The following MAOB variants were observed in gnomAD, a reference collection of about 807,000 sequenced individuals.
MAOB encodes amine oxidase [flavin-containing] B.
In MAOB, 15 loss-of-function variants were observed where a neutral mutation model predicts 41.9. That is an observed-to-expected ratio of 0.36 (90% CI 0.24 to 0.55). The LOEUF (loss-of-function observed/expected upper bound fraction) is 0.55. MAOB is among the 20% of genes least tolerant of loss of function. The pLI is 0.86. For missense variants in MAOB, 345 were observed against 398.7 expected (o/e 0.87, Z 1.15); for synonymous variants, 167 against 144.2 (o/e 1.16, Z -1.13).
intron 1 of MAOB, among the ~76,000 whole-genome samples, chrX:43,877,294 T>C (rs780514559): frequency 6.3e-5 from 7 of 110,908 alleles, no homozygotes; most frequent in South Asian, 3.9e-4. Context: ...ATTGTGACCA[T>C]TGTCAATGCC....
chrX:43,811,602 T>A (rs2034747881), intron 3 of MAOB, among the ~76,000 whole-genome samples: 1 of 112,064 alleles, frequency 8.9e-6, no homozygotes, highest in African/African-American at 3.2e-5. Flanking sequence ...AGGGGAGAAG[T>A]CCTGCAAATT....
intron 3 of MAOB, among the ~76,000 whole-genome samples, chrX:43,822,748 A>G (rs867986659): frequency 9.0e-6 from 1 of 111,627 alleles, no homozygotes; most frequent in Non-Finnish European, 1.9e-5. Context: ...TTGAAAAGCC[A>G]TTTCAAAGGA....
chrX:43,860,522 T>C (rs965227303), intron 1 of MAOB, among the ~76,000 whole-genome samples: 1 of 111,646 alleles, frequency 9.0e-6, no homozygotes, highest in Admixed American at 9.5e-5. Context: ...AATACAACCA[T>C]TTCTCAGCAT....
intron 12 of MAOB, among the ~76,000 whole-genome samples, chrX:43,773,757 C>A (rs779394120): frequency 2.9e-4 from 33 of 111,999 alleles, no homozygotes; most frequent in Non-Finnish European, 4.3e-4. Flanking sequence ...CAAGCTCTCT[C>A]TTTGCCTGCT....
rs140224905 is a variant in MAOB, at chrX:43,823,829, T to C, written c.279+15039A>G. ...TTTTCTCTTTCTTTGATCTGTACCA[T>C]TTGGACCCACCCAAAATTAAACTTT... On this transcript the variant is annotated intron_variant, in intron 3 of 14. Transcript: ENST00000378069. 1.1e-4 allele frequency among the ~76,000 whole-genome samples: 12 copies of C among 112,209 alleles called. No individual in the cohort carries two copies. The East Asian group carries it at 3.4e-3, about 31-fold the overall frequency.
chrX:43,795,089 A>G (rs759015832), intron 7 of MAOB, among the ~76,000 whole-genome samples: 1 of 110,442 alleles, frequency 9.1e-6, no homozygotes, highest in Non-Finnish European at 1.9e-5. Flanking sequence ...CCTGGAGATA[A>G]CTTCTGATCC....
intron 1 of MAOB, among the ~76,000 whole-genome samples, chrX:43,879,644 T>G (rs1381447464): frequency 9.0e-6 from 1 of 111,615 alleles, no homozygotes; most frequent in African/African-American, 3.3e-5. Context: ...CATATCCCTC[T>G]TTTTGCTAAT....
At chrX:43,770,680 G>T (rs1362579969) in intron 12 of MAOB, among the ~76,000 whole-genome samples, 1 of 111,751 alleles carries the variant, frequency 8.9e-6, no homozygotes, top group African/African-American at 3.3e-5. Context: ...TTGGAGAAAT[G>T]TTCAGTGATA....
intron 3 of MAOB, among the ~76,000 whole-genome samples, chrX:43,812,899 G>T (rs984750325): frequency 6.3e-5 from 7 of 111,967 alleles, no homozygotes; most frequent in African/African-American, 2.3e-4. Context: ...AGTCATAGTG[G>T]CTGAGAAACC....
Position 43,811,430 on chromosome X carries a change from G to T in MAOB, c.280-8026C>A, listed in dbSNP as rs934251383. ...GGGAACCTTGCCCTTCTAACTGTTG[G>T]GAGCCAGGGTAAGCCACCTTCCCCT... On this transcript the variant is annotated intron_variant, in intron 3 of 14. Transcript: ENST00000378069. Among the ~76,000 whole-genome samples the T allele has an allele frequency of 3.6e-5, 4 of 111,254 alleles. No homozygotes were observed. The Admixed American group carries it at 3.8e-4, about 11-fold the overall frequency.
At chrX:43,800,920 T>C (rs1015778053) in intron 5 of MAOB, among the ~76,000 whole-genome samples, 1 of 111,220 alleles carries the variant, frequency 9.0e-6, no homozygotes, top group Non-Finnish European at 1.9e-5. Flanking sequence ...AATATTACTA[T>C]TTTTTCCAGT....
chrX:43,866,974 G>T (rs1428298715), intron 1 of MAOB, among the ~76,000 whole-genome samples: 1 of 112,602 alleles, frequency 8.9e-6, no homozygotes, highest in African/African-American at 3.2e-5. Flanking sequence ...AATCATGTTA[G>T]TCACAGACTC....
chrX:43,803,120 C>T (rs2034616986), intron 4 of MAOB, among the ~76,000 whole-genome samples, 180 bp downstream of exon 4: 1 of 111,801 alleles, frequency 8.9e-6, no homozygotes, highest in African/African-American at 3.3e-5. Flanking sequence ...ATACAAATAT[C>T]AATCTGTTTG....
chrX:43,796,756 T>C (rs1339879674), intron 6 of MAOB, among the ~76,000 whole-genome samples: 1 of 112,058 alleles, frequency 8.9e-6, no homozygotes, highest in Admixed American at 9.5e-5. Context: ...ATGAATTCCA[T>C]GAATAGTGTG....
intron 1 of MAOB, among the ~76,000 whole-genome samples, chrX:43,865,191 C>G (rs1356484849): frequency 8.9e-6 from 1 of 112,083 alleles, no homozygotes; most frequent in Non-Finnish European, 1.9e-5. Flanking sequence ...TTATGGCACA[C>G]CCATATTATA....
At chrX:43,822,022 G>A (rs2034888090) in intron 3 of MAOB, among the ~76,000 whole-genome samples, 1 of 112,068 alleles carries the variant, frequency 8.9e-6, no homozygotes, top group Non-Finnish European at 1.9e-5. Context: ...GAATTAGCTT[G>A]TCTTTCTCTA....
intron 1 of MAOB, among the ~76,000 whole-genome samples, chrX:43,858,081 T>C (rs1182091451): frequency 9.0e-6 from 1 of 111,590 alleles, no homozygotes; most frequent in African/African-American, 3.3e-5. Context: ...TCAAGTCAGC[T>C]GCCTGCATGG....
chrX:43,868,984 G>A (rs1014548586), intron 1 of MAOB, among the ~76,000 whole-genome samples: 5 of 111,221 alleles, frequency 4.5e-5, no homozygotes, highest in Admixed American at 2.9e-4. Context: ...CAGACAGACG[G>A]GGATAGAATG....
chrX:43,808,012 G>A (rs1025896102), intron 3 of MAOB, among the ~76,000 whole-genome samples: 4 of 111,633 alleles, frequency 3.6e-5, no homozygotes, highest in African/African-American at 1.3e-4. Flanking sequence ...CCTACCAGCA[G>A]AGTAGTGCCC....
Sources: gnomAD v4.1 joint callset for allele counts (sites outside exome capture counted in the v4.1 genomes callset) on GRCh38, gnomAD v4.1.1 for gene constraint, MANE v1.5 for transcripts, NCBI Gene and HGNC (gene_info 2026-07-23, HGNC 2026-07-21) for gene names.